PRR23E: variants seen among roughly 807,000 people sequenced by gnomAD.
The protein encoded by PRR23E is proline-rich protein 23E.
chr3:127,196,479 G>A, the PRR23E span: 1 of 736,292 alleles, frequency 1.4e-6, no homozygotes, highest in Non-Finnish European at 2.1e-6. Flanking sequence ...CCCTGGAGAT[G>A]CCTTGATCTT....
chr3:127,197,194 T>C, the PRR23E span: 4 of 1,594,872 alleles, frequency 2.5e-6, no homozygotes, highest in Admixed American at 1.7e-5. Context: ...AGGGCTGCCG[T>C]AGAGGGGCCA....
At chr3:127,195,394 C>T in the PRR23E span, among the ~76,000 whole-genome samples, 1 of 152,152 alleles carries the variant, frequency 6.6e-6, no homozygotes, top group Non-Finnish European at 1.5e-5. Context: ...GCCATGCTCG[C>T]CCTGAGAGTT....
the PRR23E span, among the ~76,000 whole-genome samples, chr3:127,194,900 C>T: frequency 7.5e-4 from 114 of 152,298 alleles, no homozygotes; most frequent in African/African-American, 2.5e-3. Context: ...TCTGCCCATT[C>T]GGGAGGAAAT....
chr3:127,197,120 G>T, the PRR23E span: 1 of 1,597,960 alleles, frequency 6.3e-7, no homozygotes. Context: ...CTCCCACTCT[G>T]GGCGGGGCCA....
At chr3:127,196,924 G>A in the PRR23E span, 1 of 1,599,442 alleles carries the variant, frequency 6.3e-7, no homozygotes, top group Non-Finnish European at 8.5e-7. Context: ...GCTTACCCGT[G>A]GGTGCTCTAT....
At chr3:127,196,871 C>T in the PRR23E span, 1 of 1,599,450 alleles carries the variant, frequency 6.3e-7, no homozygotes, top group Non-Finnish European at 8.5e-7. Context: ...CTGTCATCTA[C>T]TCCTGCATGG....
the PRR23E span, among the ~76,000 whole-genome samples, chr3:127,195,393 G>A: frequency 3.3e-5 from 5 of 152,156 alleles, no homozygotes; most frequent in South Asian, 2.1e-4. Flanking sequence ...TGCCATGCTC[G>A]CCCTGAGAGT....
chr3:127,196,740 G>A, the PRR23E span: 97 of 1,594,636 alleles, frequency 6.1e-5, no homozygotes, highest in South Asian at 3.0e-4. Flanking sequence ...CCGTGCCTTC[G>A]AGGCCTCCGA....
the PRR23E span, chr3:127,196,737 T>C: frequency 4.4e-6 from 7 of 1,594,904 alleles, no homozygotes; most frequent in Middle Eastern, 3.3e-4. Flanking sequence ...CCGCCGTGCC[T>C]TCGAGGCCTC....
At chr3:127,197,204 A>G in the PRR23E span, 2 of 1,596,684 alleles carry the variant, frequency 1.3e-6, no homozygotes, top group Non-Finnish European at 1.7e-6. Context: ...TAGAGGGGCC[A>G]TCCAGAGGAG....
chr3:127,196,108 T>C, the PRR23E span, among the ~76,000 whole-genome samples: 4 of 152,140 alleles, frequency 2.6e-5, 1 homozygote, highest in South Asian at 6.2e-4. Context: ...AGGAAATGTT[T>C]TGGGAGGTCC....
At chr3:127,195,459 G>A in the PRR23E span, among the ~76,000 whole-genome samples, 1 of 152,098 alleles carries the variant, frequency 6.6e-6, no homozygotes, top group Non-Finnish European at 1.5e-5. Context: ...CTGCCCCCAG[G>A]AAGTCCCTCC....
the PRR23E span, among the ~76,000 whole-genome samples, chr3:127,194,410 G>A: frequency 6.6e-6 from 1 of 152,184 alleles, no homozygotes. Context: ...AAGCCGTCCT[G>A]TGCCACAGGT....
the PRR23E span, among the ~76,000 whole-genome samples, chr3:127,194,449 G>T: frequency 6.6e-6 from 1 of 152,226 alleles, no homozygotes. Flanking sequence ...AGGATGATCT[G>T]AACTTGCAAG....
At chr3:127,197,366 C>T in the PRR23E span, 1 of 1,582,204 alleles carries the variant, frequency 6.3e-7, no homozygotes, top group Non-Finnish European at 8.5e-7. Context: ...GCTCCCGCTC[C>T]TCCTCCCGGT....
the PRR23E span, chr3:127,197,626 C>T: frequency 4.6e-6 from 2 of 431,446 alleles, no homozygotes; most frequent in South Asian, 1.7e-4. Flanking sequence ...CTGATACTGG[C>T]ACCTTTTCTC....
chr3:127,197,046 G>A, the PRR23E span: 1 of 1,593,836 alleles, frequency 6.3e-7, no homozygotes, highest in South Asian at 1.1e-5. Flanking sequence ...TCCGTATCTG[G>A]CTGCCTTGGC....
At chr3:127,193,433 C>T in the PRR23E span, among the ~76,000 whole-genome samples, 1 of 152,098 alleles carries the variant, frequency 6.6e-6, no homozygotes, top group Non-Finnish European at 1.5e-5. Flanking sequence ...GCTTCTCTTG[C>T]AGTTCAGCAG....
At chr3:127,197,022 C>T in the PRR23E span, 4 of 1,596,960 alleles carry the variant, frequency 2.5e-6, no homozygotes, top group African/African-American at 1.3e-5. Flanking sequence ...CAGCTTTGAC[C>T]CCCTCATAGG....
Sources: gnomAD v4.1 joint callset for allele counts (sites outside exome capture counted in the v4.1 genomes callset) on GRCh38, gnomAD v4.1.1 for gene constraint, MANE v1.5 for transcripts, NCBI Gene and HGNC (gene_info 2026-07-23, HGNC 2026-07-21) for gene names.